The following PDCD10 variants were observed in gnomAD, a reference collection of about 807,000 sequenced individuals.
PDCD10 encodes the protein programmed cell death 10, also known as programmed cell death protein 10.
In PDCD10, 4 loss-of-function variants were observed where a neutral mutation model predicts 29.2. The ratio of observed to expected loss-of-function variants is 0.14; its 90% CI spans 0.07 to 0.31. PDCD10 has a LOEUF of 0.31. Ranked by LOEUF, PDCD10 falls within the 10% of genes least tolerant of loss-of-function variation. The pLI, the probability that PDCD10 is intolerant of heterozygous loss-of-function variation, is 1.00. For missense variants in PDCD10, 183 were observed against 257.9 expected (o/e 0.71, Z 1.99); for synonymous variants, 70 against 82.2 (o/e 0.85, Z 0.80).
chr3:167,704,662 A>G lies in PDCD10; in HGVS notation c.150+180T>C, dbSNP rs1013869147. 1.5e-5 allele frequency: 8 copies of G among 540,736 alleles called. No homozygotes were observed. The Admixed American group carries it at 1.6e-4, about 11-fold the overall frequency. The allele number at this position is 540,736 out of a possible 1,614,324, so 33.5% of individuals were successfully genotyped here. ...TGATGAAAAGATGAATGCTAACGAA[A>G]TAACATTTGTTCTAGTTTATCTTTT... On this transcript the variant is annotated intron_variant, in intron 4 of 8. Coordinates refer to ENST00000392750, the MANE Select transcript of PDCD10 (RefSeq NM_007217.4).
At chr3:167,731,260 T>G (rs151142213) in intron 2 of PDCD10, among the ~76,000 whole-genome samples, 32 of 152,296 alleles carry the variant, frequency 2.1e-4, no homozygotes, top group African/African-American at 6.3e-4. Context: ...ATGTCTATAT[T>G]TTGTTATAAT....
intron 2 of PDCD10, among the ~76,000 whole-genome samples, chr3:167,731,485 T>C (rs1344883407): frequency 6.6e-6 from 1 of 152,212 alleles, no homozygotes; most frequent in Admixed American, 6.5e-5. Flanking sequence ...GCCTAAGCAT[T>C]ATGGCTCATT....
At chr3:167,712,337 A>T (rs1033716427) in intron 3 of PDCD10, among the ~76,000 whole-genome samples, 2 of 152,134 alleles carry the variant, frequency 1.3e-5, no homozygotes, top group African/African-American at 4.8e-5. Context: ...GTAATGAAGT[A>T]TAGAGATTTT....
chr3:167,728,471 G>T (rs1428562335), intron 2 of PDCD10, among the ~76,000 whole-genome samples: 1 of 152,144 alleles, frequency 6.6e-6, no homozygotes, highest in Non-Finnish European at 1.5e-5. Flanking sequence ...AGTCTATCTT[G>T]AAGTAAGAGA....
In PDCD10 at chr3:167,687,319, AC is replaced by A. The variant is rs772163237; in HGVS notation, c.475-4del. On this transcript the variant is annotated splice_polypyrimidine_tract_variant and splice_region_variant and intron_variant, in intron 7 of 8. Transcript: ENST00000392750. ...TCTTTCTTTTGGTGTTCAAGTGCCTACAGTCACAAAATATAATAAGAAATAA... is the reference window on the plus strand; with the variant it reads ...TCTTTCTTTTGGTGTTCAAGTGCCTAAGTCACAAAATATAATAAGAAATAA... 5.3e-6 allele frequency: 8 copies of A among 1,513,534 alleles called. No homozygotes were observed. The highest frequency in any genetic ancestry group is 1.1e-5 in the South Asian group (1 of 88,582). 93.8% of individuals were successfully genotyped at this position (1,513,534 alleles called of 1,614,324 possible). A position where few individuals can be genotyped will look rare whatever the true frequency, so the allele number is the denominator to read the frequency against.
At chr3:167,724,817 C>CT (rs1242276219) in intron 2 of PDCD10, among the ~76,000 whole-genome samples, 1 of 152,136 alleles carries the variant, frequency 6.6e-6, no homozygotes, top group Admixed American at 6.5e-5. Flanking sequence ...ATAGGAATTT[C>CT]TTTAAGACAA....
intron 2 of PDCD10, among the ~76,000 whole-genome samples, chr3:167,728,744 G>A (rs1294172731): frequency 6.6e-6 from 1 of 152,132 alleles, no homozygotes; most frequent in Non-Finnish European, 1.5e-5. Flanking sequence ...ACAGTATTCT[G>A]CATAGTCAGT....
In PDCD10 at chr3:167,722,918, TA is replaced by T. The variant is rs1335620023; in HGVS notation, c.-116-2646del. Among the ~76,000 whole-genome samples, 72 of 152,362 alleles carry T rather than the reference TA, an allele frequency of 4.7e-4. 1 individual carries two copies. Among genetic ancestry groups the T allele is most frequent in the African/African-American group, 1.6e-3 (66 of 41,582 alleles). The stretch of plus-strand genomic sequence containing the variant: ...CATGTTTAATAAATAGTCTCTTCTC[TA>T]AAACTAACTTTACAGTACTTATTTG... On this transcript the variant is annotated intron_variant, in intron 2 of 8. Coordinates refer to ENST00000392750, the MANE Select transcript of PDCD10 (RefSeq NM_007217.4).
intron 3 of PDCD10, among the ~76,000 whole-genome samples, chr3:167,708,544 A>G (rs1415057479): frequency 1.3e-5 from 2 of 152,244 alleles, no homozygotes; most frequent in African/African-American, 4.8e-5. Context: ...GCCAACTTAC[A>G]AGAATAAAAA....
chr3:167,700,323 C>A (rs9883027), intron 4 of PDCD10, among the ~76,000 whole-genome samples: 1 of 152,204 alleles, frequency 6.6e-6, no homozygotes, highest in South Asian at 2.1e-4. Context: ...TTTTTCTCAT[C>A]GTGTTTAGTG....
At chr3:167,702,315 G>A (rs1220486772) in intron 4 of PDCD10, among the ~76,000 whole-genome samples, 1 of 152,074 alleles carries the variant, frequency 6.6e-6, no homozygotes, top group East Asian at 1.9e-4. Flanking sequence ...CAAGGATGCA[G>A]ACCTTATGAT....
At chr3:167,702,944 A>G (rs1402939783) in intron 4 of PDCD10, among the ~76,000 whole-genome samples, 1 of 152,234 alleles carries the variant, frequency 6.6e-6, no homozygotes, top group East Asian at 1.9e-4. Flanking sequence ...TCCATGGATC[A>G]AACCACATCT....
chr3:167,691,252 T>C lies in PDCD10; in HGVS notation c.396-3559A>G, dbSNP rs544212190. ...TACTTTAGCCTATCTATGCTATTCA[T>C]ATGTGGTTGAATTTTAGTCTCAGAA... On this transcript the variant is annotated intron_variant, in intron 6 of 8. Coordinates refer to ENST00000392750, the MANE Select transcript of PDCD10 (RefSeq NM_007217.4). Among the ~76,000 whole-genome samples, 6 of 152,310 alleles carry C rather than the reference T, an allele frequency of 3.9e-5. No homozygotes were observed. In the South Asian group the frequency reaches 1.2e-3, roughly 32 times the overall value.
At chr3:167,725,263 G>GAAAAAAAAAA (rs57762503) in intron 2 of PDCD10, 3 of 30,204 alleles carry the variant, frequency 9.9e-5, no homozygotes, top group Admixed American at 3.4e-4. Context: ...TCTCAAAAAA[G>GAAAAAAAAAA]AAAAAAAAAA....
At chr3:167,703,422 G>A (rs1721641964) in intron 4 of PDCD10, among the ~76,000 whole-genome samples, 1 of 152,050 alleles carries the variant, frequency 6.6e-6, no homozygotes, top group Non-Finnish European at 1.5e-5. Context: ...CATACGTAAT[G>A]TAGATTATTA....
chr3:167,684,596 C>A (rs1719384048), intron 8 of PDCD10, among the ~76,000 whole-genome samples: 1 of 151,908 alleles, frequency 6.6e-6, no homozygotes. Context: ...GTGGTTCTGA[C>A]TGGTAATAAA....
chr3:167,734,422 TCTTA>T (rs919860599), intron 1 of PDCD10, 72 bp from the exon 2 acceptor site: 1 of 152,404 alleles, frequency 6.6e-6, no homozygotes, highest in Admixed American at 6.6e-5. Context: ...CTCCCTTTTC[TCTTA>T]CTTACAAAGC....
chr3:167,732,362 C>T (rs374739049), intron 2 of PDCD10, among the ~76,000 whole-genome samples: 18 of 152,244 alleles, frequency 1.2e-4, no homozygotes, highest in African/African-American at 4.3e-4. Flanking sequence ...GAAGACATCC[C>T]AAGTCCTCTA....
chr3:167,723,085 T>C (rs182344705), intron 2 of PDCD10, among the ~76,000 whole-genome samples: 2 of 152,168 alleles, frequency 1.3e-5, no homozygotes, highest in Non-Finnish European at 2.9e-5. Context: ...AGAACACACA[T>C]TAACAACTGG....
Sources: gnomAD v4.1 joint callset for allele counts (sites outside exome capture counted in the v4.1 genomes callset) on GRCh38, gnomAD v4.1.1 for gene constraint, MANE v1.5 for transcripts, NCBI Gene and HGNC (gene_info 2026-07-23, HGNC 2026-07-21) for gene names.